SPTA1: variants seen among roughly 807,000 people sequenced by gnomAD.
The protein encoded by SPTA1 is spectrin alpha, erythrocytic 1.
SPTA1 carries 177 observed loss-of-function variants against 324.7 expected under a neutral mutation model. That is an observed-to-expected ratio of 0.55 (90% confidence interval 0.48 to 0.62). The LOEUF (loss-of-function observed/expected upper bound fraction) is 0.62. SPTA1 is among the 20% of genes least tolerant of loss of function. The pLI, the probability that SPTA1 is intolerant of heterozygous loss-of-function variation, is 0.00. For synonymous variants in SPTA1, 1,195 were observed against 1,041.3 expected (o/e 1.15, Z -2.84); for missense variants, 3,162 against 2,883.6 (o/e 1.10, Z -2.21).
intron 18 of SPTA1, among the ~76,000 whole-genome samples, chr1:158,659,634 C>T (rs1246344761): frequency 4.9e-5 from 1 of 20,406 alleles, no homozygotes; most frequent in Non-Finnish European, 6.7e-5. Flanking sequence ...GACGGAGTCT[C>T]GCTCTGTCGC....
intron 11 of SPTA1, 59 bp downstream of exon 11, chr1:158,672,000 G>C (rs1217685562): frequency 6.2e-7 from 1 of 1,605,322 alleles, no homozygotes; most frequent in Non-Finnish European, 8.5e-7. Flanking sequence ...GGTAGTCATG[G>C]TGGCAAATGA....
intron 42 of SPTA1, 94 bp downstream of exon 42, chr1:158,626,052 C>T: frequency 8.8e-7 from 1 of 1,138,466 alleles, no homozygotes; most frequent in Non-Finnish European, 1.3e-6. Context: ...AGGCTACAGA[C>T]AATAAAATCC....
intron 17 of SPTA1, among the ~76,000 whole-genome samples, chr1:158,662,143 TTCATTGTCC>T (rs1265290475): frequency 1.3e-5 from 2 of 152,326 alleles, no homozygotes; most frequent in Non-Finnish European, 1.5e-5. Context: ...GACTAAACCT[TTCATTGTCC>T]TCATTGTCCA....
chr1:158,617,261 T>TC (rs1281135533), intron 47 of SPTA1, among the ~76,000 whole-genome samples: 1 of 152,158 alleles, frequency 6.6e-6, no homozygotes, highest in Non-Finnish European at 1.5e-5. Flanking sequence ...CCAAAGCCTC[T>TC]CCCACTCTGG....
chr1:158,658,866 G>T (rs1289329694), intron 18 of SPTA1, among the ~76,000 whole-genome samples: 1 of 152,050 alleles, frequency 6.6e-6, no homozygotes, highest in South Asian at 2.1e-4. Flanking sequence ...CTGGAAGAAA[G>T]AAGTTGTCAA....
chr1:158,643,104 T>A (rs1651735824), intron 31 of SPTA1, 128 bp from the exon 32 acceptor site: 3 of 1,371,708 alleles, frequency 2.2e-6, no homozygotes, highest in Non-Finnish European at 3.0e-6. Context: ...ATTTTCATTA[T>A]AAAATGCAGT....
intron 47 of SPTA1, among the ~76,000 whole-genome samples, chr1:158,617,274 A>G (rs1571374382): frequency 6.6e-6 from 1 of 152,208 alleles, no homozygotes; most frequent in East Asian, 1.9e-4. Context: ...CACTCTGGGC[A>G]GATCAGAGTC....
At chr1:158,686,471 A>G in intron 1 of SPTA1, 23 bp downstream of exon 1, 1 of 1,499,582 alleles carries the variant, frequency 6.7e-7, no homozygotes. Context: ...GACAAATTGC[A>G]TGGAAGAGAA....
Position 158,656,565 on chromosome 1 carries a change from T to A in SPTA1, c.2897A>T (p.Gln966Leu), listed in dbSNP as rs762656437. 1 of 1,613,164 alleles carries A rather than the reference T, an allele frequency of 6.2e-7. No homozygotes were observed. The highest frequency in any genetic ancestry group is 1.7e-5 in the Admixed American group (1 of 60,032). Residue 966 changes from glutamine (Q) to leucine (L), a missense_variant and splice_region_variant, in exon 20 of 52, where the codon CAG (glutamine) becomes CTG (leucine). Coordinates refer to ENST00000643759, the MANE Select transcript of SPTA1 (RefSeq NM_003126.4). ...CTGTCATCGCTAAGTTAGTCTTACCTGGCAGGCGTTTGCCTGATTCCGCAG... is the reference window on the plus strand; with the variant it reads ...CTGTCATCGCTAAGTTAGTCTTACCAGGCAGGCGTTTGCCTGATTCCGCAG... ...KALRNQANAC[Q>L]QQQAAPVEGV... is the part of the protein sequence containing the mutation.
At position 158,669,533 on chromosome 1, in the gene SPTA1, T is replaced by C. The variant is rs1653854410; in HGVS notation, c.1708A>G (p.Lys570Glu). The change falls in exon 14 of 52, where the codon AAG becomes GAG. Residue 570 changes from lysine (K) to glutamate (E), a missense_variant. Transcript: ENST00000643759. ...AGCAATCTACGTCTAGTGGCAGCCT[T>C]TTCACGTAGGGCATCCCGCCGGGCT... is the stretch of plus-strand genomic sequence containing the variant. ...LLARRDALRE[K>E]AATRRRLLKE... is the part of the protein sequence containing the mutation. 1.2e-6 allele frequency: 2 copies of C among 1,614,014 alleles called. No individual in the cohort carries two copies. Among genetic ancestry groups the C allele is most frequent in the Admixed American group, 1.7e-5 (1 of 59,986 alleles).
At chr1:158,654,308 G>C (rs1003209729) in intron 21 of SPTA1, among the ~76,000 whole-genome samples, 1 of 152,106 alleles carries the variant, frequency 6.6e-6, no homozygotes, top group South Asian at 2.1e-4. Flanking sequence ...GAAAGAAAGA[G>C]ACAGCTTAGC....
At position 158,677,813 on chromosome 1, in the gene SPTA1, C is replaced by T. The variant is rs1335978499; in HGVS notation, c.834G>A (p.Gln278=). The T allele has an allele frequency of 3.1e-6, 5 of 1,613,540 alleles. No homozygotes were observed. The East Asian group carries it at 1.1e-4, about 36-fold the overall frequency. The change falls in exon 7 of 52, where the codon CAG becomes CAA. Residue 278 remains glutamine, a synonymous_variant. Coordinates refer to ENST00000643759, the MANE Select transcript of SPTA1 (RefSeq NM_003126.4). The stretch of plus-strand genomic sequence containing the variant: ...GTACAGGTTCCTTCTCCTTGATCCA[C>T]TGGATGGCTTCAGTCACATCCCTGC... ...RFKRDVTEAI[Q]WIKEKEPVLT...
intron 18 of SPTA1, among the ~76,000 whole-genome samples, chr1:158,658,682 C>T (rs185445307): frequency 1.2e-4 from 19 of 152,148 alleles, no homozygotes; most frequent in Admixed American, 9.8e-4. Context: ...AAAACTCCAT[C>T]AAGTTATAGC....
At chr1:158,613,377 C>T (rs935826457) in intron 50 of SPTA1, among the ~76,000 whole-genome samples, 6 of 152,090 alleles carry the variant, frequency 3.9e-5, no homozygotes, top group African/African-American at 1.2e-4. Context: ...ACCACCCCAA[C>T]CCCATGTGTT....
intron 35 of SPTA1, chr1:158,639,381 G>A (rs1183935123): frequency 3.2e-6 from 2 of 622,368 alleles, no homozygotes; most frequent in South Asian, 3.8e-5. Flanking sequence ...AAAGTCTATA[G>A]TTTAGGGATA....
chr1:158,644,465 T>G, intron 29 of SPTA1, 69 bp from the exon 30 acceptor site: 1 of 1,576,062 alleles, frequency 6.3e-7, no homozygotes. Flanking sequence ...GTTACACCTC[T>G]TTCAGGATCA....
chr1:158,672,144 C>T lies in SPTA1; in HGVS notation c.1403G>A (p.Arg468His), dbSNP rs372937123. The change falls in exon 11 of 52, where the codon CGT (arginine) becomes CAT (histidine). Residue 468 changes from arginine to histidine, a missense_variant. Arg to His is a conservative substitution (Grantham distance 29). Transcript: ENST00000643759. ...WTALLELWDE[R>H]HRQYEQCLDF... ...CAAGCACTGCTCATACTGACGATGA[C>T]GCTCGTCCCACAGTTCCAGCAGGGC... 2.7e-5 allele frequency: 43 copies of T among 1,613,952 alleles called. No homozygotes were observed. The highest frequency in any genetic ancestry group is 1.9e-4 in the African/African-American group (14 of 74,928).
At chr1:158,644,212 C>T (rs769189929) in intron 30 of SPTA1, 41 bp downstream of exon 30, 12 of 1,608,584 alleles carry the variant, frequency 7.5e-6, no homozygotes, top group Non-Finnish European at 1.0e-5. Flanking sequence ...GTTATTATTA[C>T]TACGGATTAT....
chr1:158,633,409 C>A (rs927088891), intron 39 of SPTA1, among the ~76,000 whole-genome samples: 1 of 151,866 alleles, frequency 6.6e-6, no homozygotes, highest in Non-Finnish European at 1.5e-5. Context: ...GCCTGTAATC[C>A]CAGCACTTTG....
Sources: gnomAD v4.1 joint callset for allele counts (sites outside exome capture counted in the v4.1 genomes callset) on GRCh38, gnomAD v4.1.1 for gene constraint, MANE v1.5 for transcripts, NCBI Gene and HGNC (gene_info 2026-07-23, HGNC 2026-07-21) for gene names.